Variants in ANAPC10 observed in about 807,000 individuals in gnomAD.
ANAPC10 encodes anaphase-promoting complex subunit 10.
In ANAPC10, 12 loss-of-function variants were observed where a neutral mutation model predicts 22.0. That is an observed-to-expected ratio of 0.55 (90% CI 0.35 to 0.88). The LOEUF is 0.88. Among genes scored for constraint, ANAPC10 ranks in the 40% least tolerant of loss-of-function variants. The pLI is 0.01. For missense variants in ANAPC10, 188 were observed against 220.9 expected (o/e 0.85, Z 0.94); for synonymous variants, 65 against 69.5 (o/e 0.94, Z 0.32).
intron 4 of ANAPC10, among the ~76,000 whole-genome samples, chr4:145,012,056 T>G (rs1440167155): frequency 6.6e-6 from 1 of 152,020 alleles, no homozygotes. Flanking sequence ...CATCTCAGTC[T>G]ATCTGCTTAG....
At chr4:145,052,887 C>CAA (rs11455853) in intron 4 of ANAPC10, among the ~76,000 whole-genome samples, 1,194 of 95,942 alleles carry the variant, frequency 0.012, 18 homozygotes, top group African/African-American at 0.047. Flanking sequence ...GACTCTGTCT[C>CAA]AAAAAAAAAA....
At chr4:145,007,475 G>C (rs1733573699) in intron 4 of ANAPC10, among the ~76,000 whole-genome samples, 1 of 150,672 alleles carries the variant, frequency 6.6e-6, no homozygotes, top group Admixed American at 6.6e-5. Flanking sequence ...ACAACAAACT[G>C]TCTCTCAGAC....
intron 4 of ANAPC10, chr4:145,053,871 A>G (rs1741493895): frequency 1.9e-6 from 1 of 517,206 alleles, no homozygotes; most frequent in Admixed American, 3.6e-5. Flanking sequence ...TAGTTTCAGC[A>G]AGATTTACTG....
At chr4:145,026,945 ATGTGTGTGTG>A (rs1553967000) in intron 4 of ANAPC10, among the ~76,000 whole-genome samples, 1 of 17,138 alleles carries the variant, frequency 5.8e-5, no homozygotes, top group Non-Finnish European at 1.2e-4. Context: ...ATATATATAT[ATGTGTGTGTG>A]TGTATATATA....
chr4:145,027,574 A>C (rs1191632305), intron 4 of ANAPC10, among the ~76,000 whole-genome samples: 1 of 152,184 alleles, frequency 6.6e-6, no homozygotes, highest in African/African-American at 2.4e-5. Flanking sequence ...CAGCATCATG[A>C]ATTTTCAGAA....
intron 1 of ANAPC10, chr4:145,097,887 C>T (rs1404836339): frequency 3.6e-6 from 1 of 275,354 alleles, no homozygotes; most frequent in African/African-American, 2.2e-5. Flanking sequence ...CTGAACTGAC[C>T]ACACAGTTGA....
At chr4:145,011,782 A>C (rs950244851) in intron 4 of ANAPC10, among the ~76,000 whole-genome samples, 2 of 152,120 alleles carry the variant, frequency 1.3e-5, no homozygotes, top group African/African-American at 4.8e-5. Context: ...GAAGTTGCCT[A>C]GGATAGGTTG....
At chr4:145,029,482 A>G (rs1219355585) in intron 4 of ANAPC10, among the ~76,000 whole-genome samples, 1 of 152,168 alleles carries the variant, frequency 6.6e-6, no homozygotes, top group East Asian at 1.9e-4. Context: ...TGAGTTCTCT[A>G]ATTAATATAA....
intron 4 of ANAPC10, among the ~76,000 whole-genome samples, chr4:145,015,170 T>C (rs758249568): frequency 6.6e-6 from 1 of 151,648 alleles, no homozygotes; most frequent in Non-Finnish European, 1.5e-5. Context: ...CAAAGCCCAA[T>C]GCAAGGAAAT....
At chr4:145,082,429 G>A (rs889288393) in intron 2 of ANAPC10, among the ~76,000 whole-genome samples, 2 of 152,164 alleles carry the variant, frequency 1.3e-5, no homozygotes, top group South Asian at 2.1e-4. Context: ...GATTACAGGC[G>A]TGAGCCACCA....
chr4:145,053,265 C>T (rs1230330542), intron 4 of ANAPC10, among the ~76,000 whole-genome samples: 2 of 152,166 alleles, frequency 1.3e-5, no homozygotes, highest in African/African-American at 4.8e-5. Context: ...AAGATTAAAT[C>T]TAAAGACTTT....
intron 4 of ANAPC10, among the ~76,000 whole-genome samples, chr4:145,015,200 G>A (rs187761292): frequency 1.8e-4 from 27 of 152,032 alleles, no homozygotes; most frequent in African/African-American, 5.8e-4. Context: ...GATACAAGAA[G>A]TGAAAGGAGA....
intron 2 of ANAPC10, among the ~76,000 whole-genome samples, chr4:145,091,641 A>G (rs574562817): frequency 3.6e-4 from 55 of 152,200 alleles, no homozygotes; most frequent in Non-Finnish European, 7.6e-4. Context: ...TATTATGAAT[A>G]GTGCTGCAAT....
intron 4 of ANAPC10, among the ~76,000 whole-genome samples, chr4:145,056,630 G>A (rs547122645): frequency 3.3e-5 from 5 of 152,232 alleles, no homozygotes; most frequent in East Asian, 1.9e-4. Flanking sequence ...GGAAATCCCC[G>A]ACCCAAAGGT....
intron 4 of ANAPC10, among the ~76,000 whole-genome samples, chr4:145,002,006 AAAAG>A (rs2126860692): frequency 6.6e-6 from 1 of 152,298 alleles, no homozygotes; most frequent in South Asian, 2.1e-4. Flanking sequence ...CATGGAAAAT[AAAAG>A]AAGGAAGGAA....
chr4:145,025,294 C>T (rs912060792), intron 4 of ANAPC10, among the ~76,000 whole-genome samples: 1 of 151,426 alleles, frequency 6.6e-6, no homozygotes, highest in Non-Finnish European at 1.5e-5. Flanking sequence ...TCCATTAGAA[C>T]AAGAGGTTAG....
At chr4:145,072,218 TGTG>T (rs1481649050) in intron 3 of ANAPC10, among the ~76,000 whole-genome samples, 4 of 152,152 alleles carry the variant, frequency 2.6e-5, no homozygotes, top group Non-Finnish European at 5.9e-5. Flanking sequence ...TACCAAAAAG[TGTG>T]CTATATGCTC....
At chr4:144,998,932 A>AT (rs568706592) in intron 4 of ANAPC10, among the ~76,000 whole-genome samples, 12 of 152,118 alleles carry the variant, frequency 7.9e-5, no homozygotes, top group African/African-American at 2.9e-4. Context: ...TGATAAAGCA[A>AT]TATCACCACT....
chr4:145,071,323 T>A (rs370917185), intron 3 of ANAPC10, among the ~76,000 whole-genome samples: 65 of 152,316 alleles, frequency 4.3e-4, no homozygotes, highest in African/African-American at 1.5e-3. Flanking sequence ...GGAGAATTGC[T>A]TGAATCTGGG....
Sources: allele counts gnomAD v4.1 joint callset (sites outside exome capture counted in the v4.1 genomes callset), GRCh38; gene constraint gnomAD v4.1.1; transcripts MANE v1.5; gene names NCBI Gene and HGNC (gene_info 2026-07-23, HGNC 2026-07-21).